ITSN1: variants seen among roughly 807,000 people sequenced by gnomAD.
The protein encoded by ITSN1 is intersectin 1, also known as intersectin-1.
In ITSN1, 58 loss-of-function variants were observed where a neutral mutation model predicts 239.8. The ratio of observed to expected loss-of-function variants is 0.24; its 90% confidence interval spans 0.20 to 0.30. The LOEUF is 0.30. Among genes scored for constraint, ITSN1 ranks in the 10% least tolerant of loss-of-function variants. The pLI, the probability that ITSN1 is intolerant of heterozygous loss-of-function variation, is 1.00. For missense variants in ITSN1, 1,558 were observed against 2,103.3 expected (o/e 0.74, Z 5.07); for synonymous variants, 780 against 770.8 (o/e 1.01, Z -0.20).
At chr21:33,798,173 A>G (rs543579048) in intron 18 of ITSN1, among the ~76,000 whole-genome samples, 2 of 152,160 alleles carry the variant, frequency 1.3e-5, no homozygotes, top group South Asian at 2.1e-4. Context: ...TCATAGTTAA[A>G]TGCAGCTTCA....
intron 1 of ITSN1, among the ~76,000 whole-genome samples, chr21:33,710,195 C>T (rs1281729710): frequency 6.6e-6 from 1 of 151,620 alleles, no homozygotes; most frequent in East Asian, 1.9e-4. Context: ...TCTCCTGCCT[C>T]AGCTTCCCGA....
chr21:33,834,375 G>A lies in ITSN1; in HGVS notation c.3420G>A (p.Thr1140=), dbSNP rs1189234853. The A allele has an allele frequency of 3.1e-6, 5 of 1,613,768 alleles. No homozygotes were observed. The African/African-American group carries it at 5.3e-5, about 17-fold the overall frequency. Residue 1140 remains threonine, a synonymous_variant, in exon 28 of 40, where the codon ACG becomes ACA. Coordinates refer to ENST00000381318, the MANE Select transcript of ITSN1 (RefSeq NM_003024.3). ...ANYVKLLSPG[T]SKITPTEPPK... ...ATGTAAAGCTTCTAAGCCCTGGGACGAGCAAAATCACTCCAACAGAGCCAC... is the reference window on the plus strand; with the variant it reads ...ATGTAAAGCTTCTAAGCCCTGGGACAAGCAAAATCACTCCAACAGAGCCAC...
At chr21:33,781,574 C>T (rs781197331) in intron 15 of ITSN1, 26 bp downstream of exon 15, 6 of 1,275,488 alleles carry the variant, frequency 4.7e-6, no homozygotes, top group Non-Finnish European at 6.6e-6. Context: ...TTAAAGTTGA[C>T]CTTTTCTTTA....
At chr21:33,823,414 G>A (rs2073802748) in intron 24 of ITSN1, 73 bp from the exon 25 acceptor site, 12 of 1,368,200 alleles carry the variant, frequency 8.8e-6, no homozygotes, top group Non-Finnish European at 1.2e-5. Flanking sequence ...TCGTAAACTT[G>A]CTTTTGCAAA....
chr21:33,750,912 ATCT>A (rs1432392193), intron 6 of ITSN1, among the ~76,000 whole-genome samples: 3 of 152,208 alleles, frequency 2.0e-5, no homozygotes, highest in Admixed American at 2.0e-4. Flanking sequence ...TTGGTCTAAC[ATCT>A]TAATGAATTC....
chr21:33,719,957 A>C (rs558938761), intron 2 of ITSN1, among the ~76,000 whole-genome samples: 1 of 152,244 alleles, frequency 6.6e-6, no homozygotes, highest in Non-Finnish European at 1.5e-5. Context: ...GAAGCTGTCT[A>C]ATCTTGTCAT....
At chr21:33,847,591 G>C (rs3787715) in intron 29 of ITSN1, among the ~76,000 whole-genome samples, 63,633 of 152,086 alleles carry the variant, frequency 0.42, 14,287 homozygotes, top group East Asian at 0.64. Context: ...ATAGCCCATG[G>C]CTGGGGGTCA....
At chr21:33,754,667 A>T (rs1569104577) in intron 7 of ITSN1, among the ~76,000 whole-genome samples, 1 of 152,240 alleles carries the variant, frequency 6.6e-6, no homozygotes, top group East Asian at 1.9e-4. Flanking sequence ...CACATTGGCA[A>T]GGAGAGATCA....
chr21:33,666,800 TTTTA>T (rs942438846), intron 1 of ITSN1, among the ~76,000 whole-genome samples: 1 of 152,120 alleles, frequency 6.6e-6, no homozygotes, highest in Non-Finnish European at 1.5e-5. Flanking sequence ...CTTTTCAAAT[TTTTA>T]TTTATTTATT....
chr21:33,761,139 A>G (rs1415580485), intron 8 of ITSN1, among the ~76,000 whole-genome samples: 1 of 151,350 alleles, frequency 6.6e-6, no homozygotes, highest in Non-Finnish European at 1.5e-5. Context: ...GCAGTGGCAT[A>G]ATCTTGGCTC....
At chr21:33,812,706 C>A (rs548495043) in intron 21 of ITSN1, among the ~76,000 whole-genome samples, 1 of 152,150 alleles carries the variant, frequency 6.6e-6, no homozygotes, top group South Asian at 2.1e-4. Context: ...ACTATGTTGC[C>A]CAGGCTGATC....
chr21:33,874,869 G>A (rs1056953722), intron 33 of ITSN1, among the ~76,000 whole-genome samples: 1 of 152,078 alleles, frequency 6.6e-6, no homozygotes, highest in African/African-American at 2.4e-5. Flanking sequence ...GGATGGTCTC[G>A]ATCTCTTGAC....
chr21:33,881,041 C>T (rs775461281), intron 34 of ITSN1, among the ~76,000 whole-genome samples: 3 of 151,942 alleles, frequency 2.0e-5, no homozygotes, highest in South Asian at 2.1e-4. Context: ...GTTTGCTGAG[C>T]GGGTGAGTCG....
In ITSN1 at chr21:33,823,494, T is replaced by G. The variant is rs2073808547; in HGVS notation, c.3024T>G (p.Ile1008Met). ...AATATTTCTCCCCACCAGAATTTAT[T>G]GCCATGTACACTTACGAGAGTTCTG... is the stretch of plus-strand genomic sequence containing the variant. ...AKPVVSGEEF[I>M]AMYTYESSEQ... is the part of the protein sequence containing the mutation. Residue 1008 changes from isoleucine to methionine, a missense_variant, in exon 25 of 40, where the codon ATT (isoleucine) becomes ATG (methionine). By Grantham distance (10) the Ile-to-Met change is conservative. Transcript: ENST00000381318. 2 of 1,612,778 alleles carry G rather than the reference T, an allele frequency of 1.2e-6. No homozygotes were observed. The highest frequency in any genetic ancestry group is 4.5e-5 in the East Asian group (2 of 44,880).
At chr21:33,758,336 A>C (rs1322102220) in intron 8 of ITSN1, among the ~76,000 whole-genome samples, 1 of 152,166 alleles carries the variant, frequency 6.6e-6, no homozygotes, top group Non-Finnish European at 1.5e-5. Flanking sequence ...GCTGGTCTCG[A>C]ACTCCTGAGC....
intron 3 of ITSN1, 141 bp from the exon 4 acceptor site, chr21:33,722,447 C>G (rs1379001482): frequency 1.8e-6 from 2 of 1,085,808 alleles, no homozygotes; most frequent in East Asian, 2.9e-5. Flanking sequence ...TGGGCTTATC[C>G]TTGGACTTTT....
intron 33 of ITSN1, among the ~76,000 whole-genome samples, chr21:33,874,786 C>T (rs1448002161): frequency 1.4e-4 from 21 of 151,560 alleles, no homozygotes; most frequent in African/African-American, 4.4e-4. Flanking sequence ...GTAGCTGGGA[C>T]GACAGGCATG....
Position 33,767,760 on chromosome 21 carries a change from T to C in ITSN1, c.974T>C (p.Val325Ala). The C allele has an allele frequency of 8.7e-6, 14 of 1,613,420 alleles. No homozygotes were observed. Among genetic ancestry groups the C allele is most frequent in the Non-Finnish European group, 1.2e-5 (14 of 1,179,618 alleles). ...ATATCTGTCATAAGCTCAACATCTG[T>C]AGATCAGAGGCTACCAGAGGAACCA... ...SGISVISSTS[V>A]DQRLPEEPVL... The change falls in exon 11 of 40, where the codon GTA becomes GCA. Residue 325 changes from valine to alanine, a missense_variant. Physicochemically the swap from Val to Ala is moderately conservative, Grantham distance 64. This residue lies in a region of ITSN1 where 982 missense variants were observed against 1,209.9 expected (regional missense o/e 0.81). Transcript: ENST00000381318.
chr21:33,705,449 A>G lies in ITSN1; in HGVS notation c.-32-13348A>G, dbSNP rs551354141. On this transcript the variant is annotated intron_variant, in intron 1 of 39. Transcript: ENST00000381318. ...ATCACCCAGGCTGGAGTGCAGTGGCACGATCTCAGCTCACTGCAAGCTCTG... is the reference window on the plus strand; with the variant it reads ...ATCACCCAGGCTGGAGTGCAGTGGCGCGATCTCAGCTCACTGCAAGCTCTG... 8.5e-4 allele frequency among the ~76,000 whole-genome samples: 130 copies of G among 152,194 alleles called. 1 individual carries two copies. The South Asian group carries it at 0.021, about 25-fold the overall frequency.
Sources: gnomAD v4.1 joint callset for allele counts (sites outside exome capture counted in the v4.1 genomes callset) on GRCh38, gnomAD v4.1.1 for gene constraint, gnomAD v4.1.1 regional missense constraint, MANE v1.5 for transcripts, NCBI Gene and HGNC (gene_info 2026-07-23, HGNC 2026-07-21) for gene names.